Variants in ERO1A observed in about 807,000 individuals in gnomAD.
ERO1A encodes the protein endoplasmic reticulum oxidoreductase 1 alpha.
ERO1A carries 49 observed loss-of-function variants against 76.9 expected under a neutral mutation model. The ratio of observed to expected loss-of-function variants is 0.64; its 90% CI spans 0.51 to 0.81. ERO1A has a LOEUF of 0.81. ERO1A is among the 30% of genes least tolerant of loss of function. ERO1A has a pLI of 0.00. For missense variants in ERO1A, 448 were observed against 542.1 expected (o/e 0.83, Z 1.72); for synonymous variants, 174 against 181.2 (o/e 0.96, Z 0.32).
rs1244815877 is a variant in ERO1A, at chr14:52,653,227, T to C, written c.897A>G (p.Arg299=). The C allele has an allele frequency of 3.1e-6, 5 of 1,612,798 alleles. No homozygotes were observed. The highest frequency in any genetic ancestry group is 4.2e-6 in the Non-Finnish European group (5 of 1,179,116). ...DGILTEGEGP[R]RLKNLYFLYL... ...AGAGAAAATACAAGTTCTTAAGCCT[T>C]CTTGGACCTTCTCCTTCAGTCAAAA... The change falls in exon 12 of 16, where the codon AGA becomes AGG. Residue 299 remains arginine, a synonymous_variant. Coordinates refer to ENST00000395686, the MANE Select transcript of ERO1A (RefSeq NM_014584.3).
Position 52,644,374 on chromosome 14 carries a change from G to A in ERO1A, c.1347-744C>T, listed in dbSNP as rs574077287. Among the ~76,000 whole-genome samples the A allele has an allele frequency of 3.9e-5, 6 of 152,226 alleles. No individual in the cohort carries two copies. In the East Asian group the frequency reaches 7.7e-4, roughly 20 times the overall value. ...AGACTAAGGTGGGAGAATCTATTGAGCCTGGGAGGCAGAGGTTTCCGTAAA... is the reference window on the plus strand; with the variant it reads ...AGACTAAGGTGGGAGAATCTATTGAACCTGGGAGGCAGAGGTTTCCGTAAA... On this transcript the variant is annotated intron_variant, in intron 15 of 15. Transcript: ENST00000395686.
Position 52,678,360 on chromosome 14 carries a change from G to A in ERO1A, c.357+74C>T. ...CCACTGGAAGCAGATAAATGGGATA[G>A]TAGGTACAACGGAAATGGGTTTTTC... is the stretch of plus-strand genomic sequence containing the variant. On this transcript the variant is annotated intron_variant, in intron 4 of 15. Transcript: ENST00000395686. 9 of 1,167,766 alleles carry A rather than the reference G, an allele frequency of 7.7e-6. No individual in the cohort carries two copies. In the South Asian group the frequency reaches 9.4e-5, roughly 12 times the overall value. 72.3% of individuals were successfully genotyped at this position (1,167,766 alleles called of 1,614,324 possible).
chr14:52,664,845 C>T (rs1421534782), intron 7 of ERO1A, among the ~76,000 whole-genome samples: 1 of 152,068 alleles, frequency 6.6e-6, no homozygotes, highest in Non-Finnish European at 1.5e-5. Context: ...GTGCCCACCA[C>T]TACGCCCGGC....
intron 9 of ERO1A, among the ~76,000 whole-genome samples, chr14:52,659,404 A>T (rs1218171943): frequency 6.6e-6 from 1 of 152,180 alleles, no homozygotes; most frequent in Admixed American, 6.5e-5. Flanking sequence ...GAAAACATAA[A>T]TATCAAAATG....
At chr14:52,689,501 T>C (rs992632879) in intron 1 of ERO1A, among the ~76,000 whole-genome samples, 1 of 150,638 alleles carries the variant, frequency 6.6e-6, no homozygotes, top group South Asian at 2.1e-4. Flanking sequence ...CAATGAACTA[T>C]CCAAAAAAAA....
At chr14:52,654,682 G>A (rs2039985134) in intron 11 of ERO1A, among the ~76,000 whole-genome samples, 1 of 152,174 alleles carries the variant, frequency 6.6e-6, no homozygotes, top group Non-Finnish European at 1.5e-5. Flanking sequence ...GATTCTTCAT[G>A]TGGAGATAAC....
At position 52,642,562 on chromosome 14, in the gene ERO1A, T is replaced by C. The variant is rs1237431726; in HGVS notation, c.*1008A>G. The C allele has an allele frequency of 2.6e-5, 4 of 152,292 alleles. No homozygotes were observed. Among genetic ancestry groups the C allele is most frequent in the African/African-American group, 9.7e-5 (4 of 41,382 alleles). The allele number at this position is 152,292 out of a possible 1,614,324, so 9.4% of individuals were successfully genotyped here. ...AATCATTTTTAGTAATTATTCAGTA[T>C]TACACACTGAAGTATTTAGGGTTTA... On this transcript the variant is annotated 3_prime_UTR_variant, in exon 16 of 16. Coordinates refer to ENST00000395686, the MANE Select transcript of ERO1A (RefSeq NM_014584.3).
chr14:52,651,870 G>C (rs1297624419), intron 13 of ERO1A, among the ~76,000 whole-genome samples: 4 of 151,860 alleles, frequency 2.6e-5, no homozygotes, highest in African/African-American at 9.7e-5. Flanking sequence ...ACCATTCTGT[G>C]CAGTAGATCA....
chr14:52,647,183 G>T (rs2139627060), intron 13 of ERO1A: 5 of 85,640 alleles, frequency 5.8e-5, no homozygotes, highest in Admixed American at 1.3e-4. Flanking sequence ...TTTTTTTTTA[G>T]TAGAGGCAGG....
rs1165778628 is a variant in ERO1A, at chr14:52,646,683, C to A, written c.1126-222G>T. ...AAGGTAGTTATTATTATAATCTACA[C>A]CTAATGAATGTAAAAAACAAGATTC... On this transcript the variant is annotated intron_variant, in intron 13 of 15. Coordinates refer to ENST00000395686, the MANE Select transcript of ERO1A (RefSeq NM_014584.3). 1.0e-5 allele frequency: 4 copies of A among 391,498 alleles called. No individual in the cohort carries two copies. In the Admixed American group the frequency reaches 1.7e-4, roughly 16 times the overall value. The allele number at this position is 391,498 out of a possible 1,614,324, so 24.3% of individuals were successfully genotyped here.
Position 52,671,822 on chromosome 14 carries a change from C to T in ERO1A, c.407G>A (p.Arg136Gln), listed in dbSNP as rs755906144. Residue 136 changes from arginine (R) to glutamine (Q), a missense_variant, in exon 5 of 16, where the codon CGA (arginine) becomes CAA (glutamine). Arg to Gln is a conservative substitution (Grantham distance 43). Coordinates refer to ENST00000395686, the MANE Select transcript of ERO1A (RefSeq NM_014584.3). ...NLIEECEQAE[R>Q]LGAVDESLSE... ...CAGAGATTCATCCACTGCTCCAAGT[C>T]GTTCAGCTTGTTCACATTCTTCAAT... 13 of 1,609,154 alleles carry T rather than the reference C, an allele frequency of 8.1e-6. No individual in the cohort carries two copies. The highest frequency in any genetic ancestry group is 1.1e-5 in the Non-Finnish European group (13 of 1,177,902).
Position 52,653,982 on chromosome 14 carries a change from G to A in ERO1A, c.809-667C>T, listed in dbSNP as rs573103586. On this transcript the variant is annotated intron_variant, in intron 11 of 15. Coordinates refer to ENST00000395686, the MANE Select transcript of ERO1A (RefSeq NM_014584.3). ...TTATAGAGTAAGTGTGTTTGGGTGA[G>A]TATGAGTTTATACCTGTTTTCAGAA... Among the ~76,000 whole-genome samples the A allele has an allele frequency of 2.6e-5, 4 of 152,188 alleles. No homozygotes were observed. The East Asian group carries it at 7.7e-4, about 29-fold the overall frequency.
Position 52,682,306 on chromosome 14 carries a change from A to T in ERO1A, c.318+19T>A. ...TGAAAAAACATGTAACAGTTTTTAAATGTATACATGGTTCTTACAGATTGA... is the reference window on the plus strand; with the variant it reads ...TGAAAAAACATGTAACAGTTTTTAATTGTATACATGGTTCTTACAGATTGA... On this transcript the variant is annotated intron_variant, in intron 3 of 15. Coordinates refer to ENST00000395686, the MANE Select transcript of ERO1A (RefSeq NM_014584.3). The T allele has an allele frequency of 6.6e-7, 1 of 1,520,490 alleles. No homozygotes were observed. The highest frequency in any genetic ancestry group is 9.0e-7 in the Non-Finnish European group (1 of 1,114,364). 94.2% of individuals were successfully genotyped at this position (1,520,490 alleles called of 1,614,324 possible). A position where few individuals can be genotyped will look rare whatever the true frequency, so the allele number is the denominator to read the frequency against.
At chr14:52,652,167 T>A in intron 13 of ERO1A, 72 bp downstream of exon 13, 1 of 943,024 alleles carries the variant, frequency 1.1e-6, no homozygotes. Context: ...TCTACTTCTA[T>A]GAGTACTATA....
chr14:52,663,879 C>T (rs2040314670), intron 7 of ERO1A, 32 bp from the exon 8 acceptor site: 5 of 1,237,512 alleles, frequency 4.0e-6, no homozygotes, highest in East Asian at 2.4e-5. Flanking sequence ...AATATCAACA[C>T]AAATATGTTA....
At position 52,643,503 on chromosome 14, in the gene ERO1A, C is replaced by G; in HGVS notation, c.*67G>C. The G allele has an allele frequency of 9.6e-7, 1 of 1,040,626 alleles. No homozygotes were observed. Among genetic ancestry groups the G allele is most frequent in the Non-Finnish European group, 1.4e-6 (1 of 733,178 alleles). The allele number at this position is 1,040,626 out of a possible 1,614,324, so 64.5% of individuals were successfully genotyped here. On this transcript the variant is annotated 3_prime_UTR_variant, in exon 16 of 16. Transcript: ENST00000395686. Reference sequence around the variant, plus strand: ...GCTTAAGACTGTCATTGCTATTATGCCTTTGAATGAAATTCCACTCTTTCG... The same window carrying G: ...GCTTAAGACTGTCATTGCTATTATGGCTTTGAATGAAATTCCACTCTTTCG...
At chr14:52,663,904 T>C in intron 7 of ERO1A, 57 bp from the exon 8 acceptor site, 1 of 1,021,782 alleles carries the variant, frequency 9.8e-7, no homozygotes, top group Non-Finnish European at 1.5e-6. Context: ...TCATGTTATA[T>C]TTAAGTGATA....
intron 1 of ERO1A, among the ~76,000 whole-genome samples, chr14:52,684,708 A>C (rs1274867474): frequency 9.2e-5 from 14 of 152,248 alleles, no homozygotes; most frequent in Admixed American, 9.2e-4. Context: ...CTAATGTCTT[A>C]ATGGTATGTA....
chr14:52,692,525 T>C lies in ERO1A; in HGVS notation c.114+2843A>G, dbSNP rs1422969084. On this transcript the variant is annotated intron_variant, in intron 1 of 15. Transcript: ENST00000395686. ...CGGGACTGTGCAGCTCACTGGATAT[T>C]GTAAACAGAACCAGAGAAGATTTTA... 3.9e-5 allele frequency among the ~76,000 whole-genome samples: 6 copies of C among 152,208 alleles called. No homozygotes were observed. The East Asian group carries it at 1.2e-3, about 29-fold the overall frequency.
Sources: gnomAD v4.1 joint callset for allele counts (sites outside exome capture counted in the v4.1 genomes callset) on GRCh38, gnomAD v4.1.1 for gene constraint, MANE v1.5 for transcripts, NCBI Gene and HGNC (gene_info 2026-07-23, HGNC 2026-07-21) for gene names.